PHLDB3: variants seen among roughly 807,000 people sequenced by gnomAD.
The protein encoded by PHLDB3 is pleckstrin homology like domain family B member 3.
In PHLDB3, 86 loss-of-function variants were observed where a neutral mutation model predicts 85.7. That is an observed-to-expected ratio of 1.00 (90% CI 0.84 to 1.20). The LOEUF is 1.20. PHLDB3 is among the 50% of genes most tolerant of loss of function. PHLDB3 has a pLI of 0.00. For synonymous variants in PHLDB3, 376 were observed against 349.8 expected, an observed-to-expected ratio of 1.07 and a Z score of -0.83; for missense variants, 995 against 873.0, an observed-to-expected ratio of 1.14 and a Z score of -1.76.
At chr19:43,494,240 C>T (rs577858383) in intron 9 of PHLDB3, among the ~76,000 whole-genome samples, 2 of 152,084 alleles carry the variant, frequency 1.3e-5, no homozygotes, top group Non-Finnish European at 2.9e-5. Flanking sequence ...GAACTCCTGA[C>T]CTCAGGTCAT....
At chr19:43,484,899 G>A (rs1599938001) in intron 13 of PHLDB3, among the ~76,000 whole-genome samples, 1 of 152,118 alleles carries the variant, frequency 6.6e-6, no homozygotes, top group Non-Finnish European at 1.5e-5. Context: ...GCTGACATGG[G>A]AGGATTGTTT....
intron 13 of PHLDB3, among the ~76,000 whole-genome samples, chr19:43,480,368 A>C (rs1971020934): frequency 6.7e-6 from 1 of 149,894 alleles, no homozygotes; most frequent in Non-Finnish European, 1.5e-5. Flanking sequence ...AAGTGGGAGG[A>C]TCACTTGAGG....
intron 9 of PHLDB3, among the ~76,000 whole-genome samples, chr19:43,491,099 C>A (rs1599947559): frequency 6.6e-6 from 1 of 152,186 alleles, no homozygotes; most frequent in African/African-American, 2.4e-5. Flanking sequence ...AGTCAGGTGA[C>A]AACTCCATAG....
intron 13 of PHLDB3, among the ~76,000 whole-genome samples, chr19:43,479,799 C>T (rs1326546484): frequency 6.6e-6 from 1 of 152,090 alleles, no homozygotes; most frequent in Non-Finnish European, 1.5e-5. Context: ...GACATCAGCT[C>T]CTTGGCACTT....
In PHLDB3 at chr19:43,475,356, C is replaced by G. The variant is rs1392447151; in HGVS notation, c.*54G>C. The G allele has an allele frequency of 1.2e-5, 19 of 1,596,238 alleles. No homozygotes were observed. The highest frequency in any genetic ancestry group is 2.7e-5 in the African/African-American group (2 of 74,308). On this transcript the variant is annotated 3_prime_UTR_variant, in exon 16 of 16. Transcript: ENST00000292140. ...TGGGCGGGGCCTAGGAACGCCCCCG[C>G]GCCCCGCGCCGGCGGAGCCTCGAAG...
chr19:43,491,282 TCAC>T (rs1408402272), intron 9 of PHLDB3, among the ~76,000 whole-genome samples: 1 of 152,128 alleles, frequency 6.6e-6, no homozygotes, highest in Non-Finnish European at 1.5e-5. Context: ...TGCTAACCCT[TCAC>T]CCAAATAATA....
At chr19:43,496,915 G>T in intron 6 of PHLDB3, 2 of 780,522 alleles carry the variant, frequency 2.6e-6, no homozygotes, top group Non-Finnish European at 3.5e-6. Flanking sequence ...TAAGTTTGTT[G>T]TAAGGATTCA....
At position 43,502,214 on chromosome 19, in the gene PHLDB3, G is replaced by T. The variant is rs1416324838; in HGVS notation, c.283C>A (p.Arg95=). The part of the protein sequence containing the change: ...PASTSSREGV[R]GAARRLQGQQ... ...CCTTGCAGGCGCCGCGCCGCCCCTC[G>T]CACCCCTTCCCGCGAAGAGGTGGAT... is the stretch of plus-strand genomic sequence containing the variant. The change falls in exon 3 of 16, where the codon CGA becomes AGA. Residue 95 remains arginine (R), a synonymous_variant. Coordinates refer to ENST00000292140, the MANE Select transcript of PHLDB3 (RefSeq NM_198850.4). The T allele has an allele frequency of 1.2e-5, 19 of 1,565,526 alleles. No individual in the cohort carries two copies. The highest frequency in any genetic ancestry group is 1.6e-5 in the Non-Finnish European group (18 of 1,156,110).
chr19:43,483,281 CTT>C (rs995373217), intron 13 of PHLDB3, among the ~76,000 whole-genome samples: 3 of 145,566 alleles, frequency 2.1e-5, no homozygotes, highest in Admixed American at 6.9e-5. Context: ...ATCTATCATT[CTT>C]TTTTTTTTTT....
intron 9 of PHLDB3, among the ~76,000 whole-genome samples, chr19:43,489,904 G>A (rs904158002): frequency 1.3e-5 from 2 of 151,954 alleles, no homozygotes; most frequent in East Asian, 3.9e-4. Flanking sequence ...CTACTCGGGA[G>A]TCTGAGGCAG....
intron 9 of PHLDB3, 96 bp downstream of exon 9, chr19:43,494,606 G>T: frequency 3.0e-6 from 3 of 1,014,704 alleles, no homozygotes; most frequent in Non-Finnish European, 2.9e-6. Context: ...CAGAGTGGAA[G>T]TTCTGGAGAC....
chr19:43,504,356 G>T, intron 1 of PHLDB3: 1 of 583,598 alleles, frequency 1.7e-6, no homozygotes, highest in Non-Finnish European at 3.0e-6. Flanking sequence ...ATTTGAGTCC[G>T]GGTCGTAGCA....
At chr19:43,497,705 CTG>C (rs1754700860) in intron 5 of PHLDB3, 41 bp downstream of exon 5, 1 of 1,539,198 alleles carries the variant, frequency 6.5e-7, no homozygotes, top group South Asian at 1.2e-5. Context: ...AGGCGAGACT[CTG>C]TCTCAAAAAA....
chr19:43,501,247 G>C (rs954240930), intron 4 of PHLDB3, among the ~76,000 whole-genome samples: 23 of 140,350 alleles, frequency 1.6e-4, no homozygotes, highest in African/African-American at 6.2e-4. Context: ...GCAATGGTGC[G>C]ATCTTGGCTC....
At chr19:43,486,529 G>T in intron 12 of PHLDB3, 80 bp downstream of exon 12, 1 of 1,488,780 alleles carries the variant, frequency 6.7e-7, no homozygotes, top group Non-Finnish European at 9.1e-7. Context: ...TGAGGGAGGT[G>T]GAGTTGGGGG....
chr19:43,501,175 C>CT (rs59042804), intron 4 of PHLDB3, among the ~76,000 whole-genome samples: 1,902 of 83,594 alleles, frequency 0.023, 58 homozygotes, highest in African/African-American at 0.03. Flanking sequence ...TTCTTTTTCT[C>CT]TTTTTTTTTT....
intron 6 of PHLDB3, chr19:43,495,963 G>C (rs1971447453): frequency 4.7e-6 from 1 of 211,042 alleles, no homozygotes; most frequent in Non-Finnish European, 9.3e-6. Context: ...AAAAGCCAGC[G>C]GGAGAGGAAA....
At chr19:43,483,688 A>G (rs1279751387) in intron 13 of PHLDB3, among the ~76,000 whole-genome samples, 2 of 152,240 alleles carry the variant, frequency 1.3e-5, no homozygotes, top group Admixed American at 1.3e-4. Context: ...TGAAAAAGTC[A>G]ACAGGATAAA....
chr19:43,488,780 A>G (rs528138732), intron 9 of PHLDB3, among the ~76,000 whole-genome samples: 1 of 151,580 alleles, frequency 6.6e-6, no homozygotes, highest in East Asian at 1.9e-4. Flanking sequence ...TAAATGAACC[A>G]TGGCTTATGC....
Sources: allele counts gnomAD v4.1 joint callset (sites outside exome capture counted in the v4.1 genomes callset), GRCh38; gene constraint gnomAD v4.1.1; transcripts MANE v1.5; gene names NCBI Gene and HGNC (gene_info 2026-07-23, HGNC 2026-07-21).